Variants in FER observed in about 807,000 individuals in gnomAD.
FER encodes tyrosine-protein kinase Fer.
Under a neutral mutation model 111.0 loss-of-function variants are expected in FER, and 63 were observed. That is an observed-to-expected ratio of 0.57 (90% CI 0.46 to 0.70). The LOEUF is 0.70. FER is among the 30% of genes least tolerant of loss of function. FER has a pLI of 0.00. For missense variants in FER, 914 were observed against 954.0 expected, an observed-to-expected ratio of 0.96 and a Z score of 0.55; for synonymous variants, 327 against 313.9, an observed-to-expected ratio of 1.04 and a Z score of -0.44.
At chr5:109,178,502 T>C (rs1757951240) in intron 17 of FER, among the ~76,000 whole-genome samples, 1 of 152,218 alleles carries the variant, frequency 6.6e-6, no homozygotes, top group Admixed American at 6.5e-5. Flanking sequence ...GACTAAAGTG[T>C]TGCAGTGACT....
chr5:109,049,260 G>T (rs150598988), intron 16 of FER, among the ~76,000 whole-genome samples: 4 of 152,280 alleles, frequency 2.6e-5, no homozygotes, highest in African/African-American at 9.6e-5. Flanking sequence ...ACTGTGTTCC[G>T]TGCTCAGGGT....
chr5:109,033,719 C>A (rs991769436), intron 13 of FER, among the ~76,000 whole-genome samples: 1 of 152,026 alleles, frequency 6.6e-6, no homozygotes, highest in African/African-American at 2.4e-5. Flanking sequence ...GGGAGTTTGC[C>A]TCTCTATCAA....
intron 16 of FER, among the ~76,000 whole-genome samples, chr5:109,080,907 TAA>T (rs3842062): frequency 0.046 from 6,940 of 152,030 alleles, 221 homozygotes; most frequent in South Asian, 0.093. Flanking sequence ...AGTCTTGAAG[TAA>T]AGAGGGACAA....
At chr5:108,794,384 A>AT (rs1377080858) in intron 2 of FER, among the ~76,000 whole-genome samples, 2 of 151,548 alleles carry the variant, frequency 1.3e-5, no homozygotes, top group Non-Finnish European at 2.9e-5. Flanking sequence ...CGCCCAGCTA[A>AT]TTTTTTGTAC....
rs557128423 is a variant in FER, at chr5:109,059,348, C to T, written c.1924+12150C>T. Among the ~76,000 whole-genome samples the T allele has an allele frequency of 6.8e-5, 10 of 146,854 alleles. 1 individual carries two copies. In the South Asian group the frequency reaches 2.2e-3, roughly 32 times the overall value. Reference sequence around the variant, plus strand: ...GACCATCCTGGCCAACATGGTGAAACCCTGCCTCTACTAAAAAAAAAAAAA... The same window carrying T: ...GACCATCCTGGCCAACATGGTGAAATCCTGCCTCTACTAAAAAAAAAAAAA... On this transcript the variant is annotated intron_variant, in intron 16 of 19. Transcript: ENST00000281092.
chr5:109,142,542 A>G (rs938578610), intron 17 of FER, among the ~76,000 whole-genome samples: 1 of 152,182 alleles, frequency 6.6e-6, no homozygotes. Flanking sequence ...AAAGAAAGGC[A>G]TACTTTTGAG....
chr5:108,876,314 C>T (rs370278061), intron 8 of FER, among the ~76,000 whole-genome samples: 12 of 152,198 alleles, frequency 7.9e-5, no homozygotes, highest in Non-Finnish European at 1.8e-4. Flanking sequence ...CAGCCATGCT[C>T]ATTCACTTAC....
At chr5:108,956,399 T>C (rs1319662236) in intron 12 of FER, among the ~76,000 whole-genome samples, 2 of 151,722 alleles carry the variant, frequency 1.3e-5, no homozygotes, top group Admixed American at 6.6e-5. Flanking sequence ...ATATGTATTA[T>C]GTAAACCTGA....
chr5:109,140,145 CAT>C (rs1227240009), intron 17 of FER, among the ~76,000 whole-genome samples: 4 of 152,120 alleles, frequency 2.6e-5, no homozygotes, highest in Non-Finnish European at 4.4e-5. Flanking sequence ...ACACAAAAAA[CAT>C]ATGCTTATTA....
chr5:108,853,495 T>C (rs2150193137), intron 5 of FER, among the ~76,000 whole-genome samples: 1 of 152,322 alleles, frequency 6.6e-6, no homozygotes, highest in Non-Finnish European at 1.5e-5. Flanking sequence ...CATGTATTCC[T>C]CATGGAGAAA....
At chr5:108,830,439 G>A (rs1444539351) in intron 3 of FER, among the ~76,000 whole-genome samples, 2 of 152,170 alleles carry the variant, frequency 1.3e-5, no homozygotes, top group East Asian at 1.9e-4. Context: ...AGGTGATGGA[G>A]CAAGACTCCA....
chr5:109,154,606 T>G (rs1331705571), intron 17 of FER, among the ~76,000 whole-genome samples: 2 of 151,892 alleles, frequency 1.3e-5, no homozygotes, highest in East Asian at 3.9e-4. Flanking sequence ...AAGAGGAATC[T>G]CGTTTAAGAC....
At chr5:108,999,416 A>G (rs1050256099) in intron 13 of FER, among the ~76,000 whole-genome samples, 3 of 152,116 alleles carry the variant, frequency 2.0e-5, no homozygotes, top group African/African-American at 7.2e-5. Flanking sequence ...AAATTTATGG[A>G]TGTAACACAA....
chr5:108,894,478 G>T (rs1748727707), intron 9 of FER: 1 of 398,338 alleles, frequency 2.5e-6, no homozygotes, highest in Non-Finnish European at 4.8e-6. Context: ...AACATGTGAG[G>T]ATATTTCTCA....
Position 108,798,269 on chromosome 5 carries a change from GA to G in FER, c.90del (p.Lys30AsnfsTer5), listed in dbSNP as rs1756263885. On this transcript the variant is annotated frameshift_variant, in exon 3 of 20. Transcript: ENST00000281092. LOFTEE classifies it high-confidence loss of function. ...AATTACGGTTACTGGAAACAGTAAA[GA>G]AATTTATGGCCCTGAGAATAAAAAG... ...WELRLLETVK[K>X]FMALRIKSDK... 6.2e-7 allele frequency: 1 copy of G among 1,613,830 alleles called. No individual in the cohort carries two copies. The highest frequency in any genetic ancestry group is 8.5e-7 in the Non-Finnish European group (1 of 1,179,906).
At chr5:109,148,479 G>A (rs1754477602) in intron 17 of FER, among the ~76,000 whole-genome samples, 1 of 152,164 alleles carries the variant, frequency 6.6e-6, no homozygotes, top group South Asian at 2.1e-4. Context: ...CAGATAGCAT[G>A]TGGGAAGAAA....
chr5:108,818,113 G>C (rs1443978043), intron 3 of FER: 1 of 152,096 alleles, frequency 6.6e-6, no homozygotes, highest in Non-Finnish European at 1.5e-5. Context: ...AAACAACACT[G>C]CCAAAGAATC....
At chr5:109,001,268 CA>C (rs1274834696) in intron 13 of FER, among the ~76,000 whole-genome samples, 1 of 152,200 alleles carries the variant, frequency 6.6e-6, no homozygotes, top group East Asian at 1.9e-4. Flanking sequence ...AGCAGCACAT[CA>C]AAAAGCTTAT....
At chr5:109,098,804 C>G (rs566333788) in intron 16 of FER, among the ~76,000 whole-genome samples, 2 of 151,438 alleles carry the variant, frequency 1.3e-5, no homozygotes, top group Non-Finnish European at 3.0e-5. Flanking sequence ...AAATTGACAC[C>G]GTTAAGTTTA....
Sources: gnomAD v4.1 joint callset for allele counts (sites outside exome capture counted in the v4.1 genomes callset) on GRCh38, gnomAD v4.1.1 for gene constraint, MANE v1.5 for transcripts, NCBI Gene and HGNC (gene_info 2026-07-23, HGNC 2026-07-21) for gene names.